Variants in SLC24A2 observed in about 807,000 individuals in gnomAD.
SLC24A2 encodes solute carrier family 24 member 2.
In SLC24A2, 36 loss-of-function variants were observed where a neutral mutation model predicts 62.0. That is an observed-to-expected ratio of 0.58 (90% confidence interval 0.44 to 0.77). The LOEUF is 0.77. SLC24A2 is among the 30% of genes least tolerant of loss of function. The pLI, the probability that SLC24A2 is intolerant of heterozygous loss-of-function variation, is 0.00. For synonymous variants in SLC24A2, 358 were observed against 294.0 expected, an observed-to-expected ratio of 1.22 and a Z score of -2.23; for missense variants, 846 against 817.9, an observed-to-expected ratio of 1.03 and a Z score of -0.42.
the SLC24A2 span, among the ~76,000 whole-genome samples, chr9:19,804,346 C>T: frequency 6.6e-6 from 1 of 151,942 alleles, no homozygotes; most frequent in African/African-American, 2.4e-5. Flanking sequence ...TGAATATATA[C>T]TATTTGTGCA....
the SLC24A2 span, among the ~76,000 whole-genome samples, chr9:20,187,377 T>C: frequency 1.3e-5 from 2 of 152,200 alleles, no homozygotes; most frequent in African/African-American, 4.8e-5. Flanking sequence ...ATTCTCTGCC[T>C]TTATTTTCTC....
chr9:20,204,343 T>A, the SLC24A2 span, among the ~76,000 whole-genome samples: 2 of 152,224 alleles, frequency 1.3e-5, no homozygotes, highest in African/African-American at 4.8e-5. Context: ...CGTTGCCACG[T>A]CTTCTGCATA....
the SLC24A2 span, among the ~76,000 whole-genome samples, chr9:20,108,559 G>A: frequency 6.6e-6 from 1 of 152,172 alleles, no homozygotes. Flanking sequence ...GGACATGGAT[G>A]AAGTTGGAAA....
the SLC24A2 span, among the ~76,000 whole-genome samples, chr9:20,095,999 A>G: frequency 2.0e-5 from 3 of 152,112 alleles, no homozygotes; most frequent in Non-Finnish European, 4.4e-5. Context: ...TCCCTTCCAC[A>G]ACATGTGGAA....
the SLC24A2 span, among the ~76,000 whole-genome samples, chr9:20,011,811 C>CACATCAAAAGA: frequency 6.6e-6 from 1 of 152,128 alleles, no homozygotes; most frequent in African/African-American, 2.4e-5. Flanking sequence ...CAGCAAGAGA[C>CACATCAAAAGA]TTTAAGAACA....
the SLC24A2 span, among the ~76,000 whole-genome samples, chr9:20,161,027 T>C: frequency 1.3e-5 from 2 of 151,326 alleles, no homozygotes; most frequent in African/African-American, 4.8e-5. Context: ...AACATAAATG[T>C]AGAAAATGAC....
the SLC24A2 span, among the ~76,000 whole-genome samples, chr9:19,907,373 C>G: frequency 1.3e-5 from 2 of 152,200 alleles, no homozygotes; most frequent in Non-Finnish European, 1.5e-5. Flanking sequence ...CAATGTCATA[C>G]TGAATGGGCA....
At chr9:20,133,533 C>T in the SLC24A2 span, among the ~76,000 whole-genome samples, 13 of 152,058 alleles carry the variant, frequency 8.5e-5, no homozygotes, top group Non-Finnish European at 1.6e-4. Context: ...AATCACAAAG[C>T]TAATATGCAG....
intron 5 of SLC24A2, 31 bp from the exon 6 acceptor site, chr9:19,577,053 CA>C: frequency 6.4e-7 from 1 of 1,571,658 alleles, no homozygotes; most frequent in Non-Finnish European, 8.8e-7. Context: ...AGGAAGGAGA[CA>C]CAATGAGAAA....
the SLC24A2 span, among the ~76,000 whole-genome samples, chr9:19,832,907 A>G: frequency 3.9e-5 from 6 of 152,180 alleles, no homozygotes; most frequent in African/African-American, 1.2e-4. Context: ...AAAAACAAAC[A>G]ACCCCCTCAA....
chr9:19,686,693 C>A (rs1472721611), intron 2 of SLC24A2, among the ~76,000 whole-genome samples: 1 of 152,060 alleles, frequency 6.6e-6, no homozygotes, highest in Non-Finnish European at 1.5e-5. Flanking sequence ...TGTTTGCTTC[C>A]TCTTCCACCA....
At chr9:19,904,573 G>A in the SLC24A2 span, among the ~76,000 whole-genome samples, 1 of 152,176 alleles carries the variant, frequency 6.6e-6, no homozygotes, top group Non-Finnish European at 1.5e-5. Context: ...TATAAGACCT[G>A]CCATAAAATG....
chr9:20,300,225 G>A, the SLC24A2 span, among the ~76,000 whole-genome samples: 2 of 152,074 alleles, frequency 1.3e-5, no homozygotes, highest in Non-Finnish European at 2.9e-5. Flanking sequence ...GGAAAATGGG[G>A]TATCTATCCC....
Position 19,515,857 on chromosome 9 carries a change from T to G in SLC24A2, c.*296A>C, listed in dbSNP as rs1832900252. On this transcript the variant is annotated 3_prime_UTR_variant, in exon 11 of 11. Coordinates refer to ENST00000341998, the MANE Select transcript of SLC24A2 (RefSeq NM_020344.4). ...AGATATATATAGCCTGTGTCCTTGT[T>G]TGCATCGACTGTACCTCCGACCAGC... is the stretch of plus-strand genomic sequence containing the variant. The G allele has an allele frequency of 2.4e-6, 1 of 420,864 alleles. No individual in the cohort carries two copies. The highest frequency in any genetic ancestry group is 4.5e-6 in the Non-Finnish European group (1 of 224,204). 26.1% of individuals were successfully genotyped at this position (420,864 alleles called of 1,614,324 possible). A position where few individuals can be genotyped will look rare whatever the true frequency, so the allele number is the denominator to read the frequency against.
At chr9:20,283,353 T>C in the SLC24A2 span, among the ~76,000 whole-genome samples, 1 of 152,198 alleles carries the variant, frequency 6.6e-6, no homozygotes, top group Admixed American at 6.5e-5. Flanking sequence ...AAGTGATCCC[T>C]GCATGGGGGT....
At chr9:19,553,377 G>A (rs987420387) in intron 7 of SLC24A2, among the ~76,000 whole-genome samples, 1 of 152,150 alleles carries the variant, frequency 6.6e-6, no homozygotes, top group Non-Finnish European at 1.5e-5. Context: ...AATTTCTGCA[G>A]AGTGTCCATA....
intron 8 of SLC24A2, 127 bp downstream of exon 8, chr9:19,550,010 G>A (rs1375941838): frequency 1.1e-5 from 10 of 878,598 alleles, no homozygotes; most frequent in Non-Finnish European, 1.9e-5. Flanking sequence ...CCTATTTATG[G>A]GGTATATGTG....
chr9:20,028,741 C>T, the SLC24A2 span, among the ~76,000 whole-genome samples: 1 of 152,210 alleles, frequency 6.6e-6, no homozygotes, highest in Admixed American at 6.5e-5. Context: ...CTTGAGTACA[C>T]ATCCCCCTGT....
chr9:20,157,988 T>C, the SLC24A2 span, among the ~76,000 whole-genome samples: 1 of 151,776 alleles, frequency 6.6e-6, no homozygotes, highest in African/African-American at 2.4e-5. Flanking sequence ...TGAGTTTCAG[T>C]TGAAACTTCT....
Sources: allele counts gnomAD v4.1 joint callset (sites outside exome capture counted in the v4.1 genomes callset), GRCh38; gene constraint gnomAD v4.1.1; transcripts MANE v1.5; gene names NCBI Gene and HGNC (gene_info 2026-07-23, HGNC 2026-07-21).